PHKB: variants seen among roughly 807,000 people sequenced by gnomAD.
The protein encoded by PHKB is phosphorylase kinase regulatory subunit beta.
Under a neutral mutation model 152.1 loss-of-function variants are expected in PHKB, and 122 were observed. The observed-to-expected ratio is 0.80, with a 90% confidence interval of 0.69 to 0.93. The LOEUF is 0.93. PHKB is among the 40% of genes least tolerant of loss of function. PHKB has a pLI of 0.00. For synonymous variants in PHKB, 436 were observed against 464.9 expected, an observed-to-expected ratio of 0.94 and a Z score of 0.80; for missense variants, 1,304 against 1,328.4, an observed-to-expected ratio of 0.98 and a Z score of 0.29.
chr16:47,492,093 C>A (rs1470423253), intron 1 of PHKB, among the ~76,000 whole-genome samples: 1 of 152,132 alleles, frequency 6.6e-6, no homozygotes, highest in African/African-American at 2.4e-5. Context: ...CTGCAGATAT[C>A]AAACTAGAAA....
At chr16:47,691,809 GAC>G (rs1974065847) in intron 27 of PHKB, among the ~76,000 whole-genome samples, 1 of 151,990 alleles carries the variant, frequency 6.6e-6, no homozygotes, top group African/African-American at 2.4e-5. Context: ...AAAATGAAAA[GAC>G]AAAAAATAAA....
chr16:47,583,758 G>A (rs1338722707), intron 8 of PHKB, among the ~76,000 whole-genome samples: 1 of 152,044 alleles, frequency 6.6e-6, no homozygotes, highest in Non-Finnish European at 1.5e-5. Context: ...CAATTTGTTG[G>A]TATGGGAAAT....
At chr16:47,565,488 G>A (rs1201165575) in intron 7 of PHKB, 1 of 1,394,824 alleles carries the variant, frequency 7.2e-7, no homozygotes. Context: ...TTGGTGGAGG[G>A]GCTGGCATTA....
At chr16:47,615,129 T>C (rs1294865037) in intron 14 of PHKB, among the ~76,000 whole-genome samples, 1 of 152,168 alleles carries the variant, frequency 6.6e-6, no homozygotes, top group East Asian at 1.9e-4. Context: ...TAATGCCCCA[T>C]TTCTTCTTGT....
At chr16:47,512,304 A>G (rs1438303314) in intron 5 of PHKB, among the ~76,000 whole-genome samples, 1 of 152,238 alleles carries the variant, frequency 6.6e-6, no homozygotes, top group Non-Finnish European at 1.5e-5. Context: ...GCAATTGAAC[A>G]TGAAATCCGA....
intron 6 of PHKB, among the ~76,000 whole-genome samples, chr16:47,540,819 G>GTTTTT (rs75589113): frequency 7.8e-5 from 5 of 64,274 alleles, no homozygotes; most frequent in Non-Finnish European, 1.1e-4. Flanking sequence ...TAAATGTCCT[G>GTTTTT]TTTTTTTTTT....
At chr16:47,480,095 T>A (rs147430927) in intron 1 of PHKB, among the ~76,000 whole-genome samples, 1 of 152,192 alleles carries the variant, frequency 6.6e-6, no homozygotes, top group African/African-American at 2.4e-5. Flanking sequence ...CTACAGTAAT[T>A]AGTGATCCCT....
chr16:47,672,516 A>T (rs907000314), intron 26 of PHKB, among the ~76,000 whole-genome samples: 1 of 152,138 alleles, frequency 6.6e-6, no homozygotes, highest in African/African-American at 2.4e-5. Flanking sequence ...TCCAAAGCAC[A>T]TTCTTTGAAA....
chr16:47,641,887 ATG>A, intron 16 of PHKB, among the ~76,000 whole-genome samples, 195 bp downstream of exon 16: 1 of 152,098 alleles, frequency 6.6e-6, no homozygotes, highest in Non-Finnish European at 1.5e-5. Flanking sequence ...CACTGTGTAT[ATG>A]TGTGTGTGCA....
intron 27 of PHKB, among the ~76,000 whole-genome samples, chr16:47,689,747 A>G (rs1227607791): frequency 6.6e-6 from 1 of 152,238 alleles, no homozygotes; most frequent in Non-Finnish European, 1.5e-5. Context: ...TGTGCCTGGC[A>G]TTTACCAAAG....
intron 7 of PHKB, among the ~76,000 whole-genome samples, chr16:47,574,336 G>T (rs12922960): frequency 2.0e-5 from 3 of 151,946 alleles, no homozygotes; most frequent in Non-Finnish European, 4.4e-5. Flanking sequence ...CAGTCTCCCC[G>T]CTTTCACACC....
At chr16:47,565,594 T>G in intron 7 of PHKB, 1 of 1,061,140 alleles carries the variant, frequency 9.4e-7, no homozygotes. Context: ...CTTCTCACTC[T>G]CCCTCGTGCA....
At chr16:47,468,617 C>G (rs1263759494) in intron 1 of PHKB, among the ~76,000 whole-genome samples, 1 of 152,216 alleles carries the variant, frequency 6.6e-6, no homozygotes, top group Admixed American at 6.5e-5. Context: ...CGTGCCATTG[C>G]ACTCCAGCCT....
chr16:47,503,887 A>G (rs1303959277), intron 4 of PHKB, among the ~76,000 whole-genome samples: 1 of 152,220 alleles, frequency 6.6e-6, no homozygotes, highest in Non-Finnish European at 1.5e-5. Flanking sequence ...ATTAAAGAAA[A>G]TAATGTACAT....
rs1969694374 is a variant in PHKB, at chr16:47,467,793, C to G, written c.76+6367C>G. Among the ~76,000 whole-genome samples the G allele has an allele frequency of 3.9e-5, 6 of 152,314 alleles. No homozygotes were observed. In the South Asian group the frequency reaches 1.2e-3, roughly 32 times the overall value. Reference sequence around the variant, plus strand: ...TCACTGCTTTAGATTATCACCAGTACTCACATTGTGCATTCTAAAAGCGAT... The same window carrying G: ...TCACTGCTTTAGATTATCACCAGTAGTCACATTGTGCATTCTAAAAGCGAT... On this transcript the variant is annotated intron_variant, in intron 1 of 30. Coordinates refer to ENST00000323584, the MANE Select transcript of PHKB (RefSeq NM_000293.3).
chr16:47,495,369 G>A (rs531123625), intron 1 of PHKB, among the ~76,000 whole-genome samples: 16 of 151,790 alleles, frequency 1.1e-4, no homozygotes, highest in African/African-American at 1.4e-4. Context: ...ATTTAAGTTT[G>A]CATATTCTAT....
chr16:47,635,980 C>T (rs1365436687), intron 14 of PHKB, among the ~76,000 whole-genome samples: 1 of 152,140 alleles, frequency 6.6e-6, no homozygotes, highest in Non-Finnish European at 1.5e-5. Flanking sequence ...ATTCAAGATA[C>T]TGTGTGAAGG....
At position 47,699,890 on chromosome 16, in the gene PHKB, T is replaced by A. The variant is rs1179751863; in HGVS notation, c.*524T>A. On this transcript the variant is annotated 3_prime_UTR_variant, in exon 31 of 31. Transcript: ENST00000323584. ...TCAAAAACTGCATTATTAATAATAT[T>A]TTAGTATACAGAGCTATTCTACAGT... The A allele has an allele frequency of 1.7e-5, 3 of 179,502 alleles. No individual in the cohort carries two copies. The highest frequency in any genetic ancestry group is 1.6e-4 in the Admixed American group (3 of 18,508). The allele number at this position is 179,502 out of a possible 1,614,324, so 11.1% of individuals were successfully genotyped here. A position where few individuals can be genotyped will look rare whatever the true frequency, so the allele number is the denominator to read the frequency against.
At chr16:47,544,299 G>A (rs372696735) in intron 6 of PHKB, among the ~76,000 whole-genome samples, 22 of 152,050 alleles carry the variant, frequency 1.4e-4, no homozygotes, top group African/African-American at 2.7e-4. Flanking sequence ...CTTTGTTTTC[G>A]TTGGTTTCAA....
Sources: allele counts gnomAD v4.1 joint callset (sites outside exome capture counted in the v4.1 genomes callset), GRCh38; gene constraint gnomAD v4.1.1; transcripts MANE v1.5; gene names NCBI Gene and HGNC (gene_info 2026-07-23, HGNC 2026-07-21).